HEMK2: variants seen among roughly 807,000 people sequenced by gnomAD.
The protein encoded by HEMK2 is HemK methyltransferase 2, ETF1 glutamine and histone H4 lysine, also known as methyltransferase HEMK2.
At chr21:28,866,047 A>G in the HEMK2 span, among the ~76,000 whole-genome samples, 2 of 151,128 alleles carry the variant, frequency 1.3e-5, no homozygotes, top group African/African-American at 2.4e-5. Context: ...TCATGCCTGT[A>G]CTTCCAGCAC....
At chr21:28,630,877 T>C in the HEMK2 span, among the ~76,000 whole-genome samples, 2 of 151,720 alleles carry the variant, frequency 1.3e-5, no homozygotes, top group East Asian at 3.9e-4. Flanking sequence ...CATGTATACA[T>C]ATGTAACAAA....
the HEMK2 span, among the ~76,000 whole-genome samples, chr21:28,808,590 A>G: frequency 6.6e-6 from 1 of 152,054 alleles, no homozygotes; most frequent in Admixed American, 6.6e-5. Context: ...TTCAGTGTAG[A>G]GAGCTTATAT....
chr21:28,577,539 G>C, the HEMK2 span, among the ~76,000 whole-genome samples: 1 of 152,052 alleles, frequency 6.6e-6, no homozygotes, highest in Non-Finnish European at 1.5e-5. Context: ...AAACACCCTT[G>C]TTTTGCCCAC....
chr21:28,597,270 G>A, the HEMK2 span, among the ~76,000 whole-genome samples: 2 of 152,188 alleles, frequency 1.3e-5, no homozygotes, highest in Non-Finnish European at 2.9e-5. Flanking sequence ...TTTAGACACA[G>A]GGAATTGCCT....
the HEMK2 span, among the ~76,000 whole-genome samples, chr21:28,705,483 C>A: frequency 2.0e-5 from 3 of 151,978 alleles, no homozygotes; most frequent in African/African-American, 4.8e-5. Flanking sequence ...AACATAATAT[C>A]TCTTGGCTTC....
chr21:28,724,524 C>T, the HEMK2 span, among the ~76,000 whole-genome samples: 1 of 152,142 alleles, frequency 6.6e-6, no homozygotes, highest in Non-Finnish European at 1.5e-5. Context: ...TTTTTATTTG[C>T]TCTTACAAAT....
At chr21:28,586,280 T>C in the HEMK2 span, among the ~76,000 whole-genome samples, 1 of 152,242 alleles carries the variant, frequency 6.6e-6, no homozygotes, top group Non-Finnish European at 1.5e-5. Context: ...AAAAGTCTTA[T>C]ACCACCATAA....
At chr21:28,829,945 C>T in the HEMK2 span, among the ~76,000 whole-genome samples, 4 of 152,142 alleles carry the variant, frequency 2.6e-5, no homozygotes, top group Non-Finnish European at 5.9e-5. Flanking sequence ...GGTCCCAACT[C>T]CCAATACGGA....
the HEMK2 span, among the ~76,000 whole-genome samples, chr21:28,666,188 G>A: frequency 6.6e-6 from 1 of 152,084 alleles, no homozygotes; most frequent in Non-Finnish European, 1.5e-5. Flanking sequence ...ATTTGTCTCA[G>A]CTTTGAAAGG....
the HEMK2 span, among the ~76,000 whole-genome samples, chr21:28,824,989 A>G: frequency 8.5e-5 from 13 of 152,318 alleles, no homozygotes; most frequent in Admixed American, 2.6e-4. Flanking sequence ...GCAAACCTGG[A>G]CAGTCCCTAT....
chr21:28,669,085 T>A, the HEMK2 span, among the ~76,000 whole-genome samples: 1 of 152,082 alleles, frequency 6.6e-6, no homozygotes, highest in African/African-American at 2.4e-5. Flanking sequence ...CTGGGCTGGG[T>A]GCAGTGGTTC....
At chr21:28,824,021 GC>G in the HEMK2 span, among the ~76,000 whole-genome samples, 1 of 152,126 alleles carries the variant, frequency 6.6e-6, no homozygotes, top group Non-Finnish European at 1.5e-5. Context: ...TTTTTTATAA[GC>G]TTCTCCCAAA....
the HEMK2 span, among the ~76,000 whole-genome samples, chr21:28,609,668 T>C: frequency 7.8e-6 from 1 of 128,908 alleles, no homozygotes; most frequent in Non-Finnish European, 1.7e-5. Flanking sequence ...AAAAAAGATA[T>C]AGGATATGAA....
the HEMK2 span, among the ~76,000 whole-genome samples, chr21:28,768,808 T>C: frequency 3.7e-4 from 57 of 152,094 alleles, 1 homozygote; most frequent in African/African-American, 1.3e-3. Context: ...ACACAGGATC[T>C]TTAAAAAGGT....
chr21:28,670,696 G>T, the HEMK2 span, among the ~76,000 whole-genome samples: 1 of 152,208 alleles, frequency 6.6e-6, no homozygotes, highest in Non-Finnish European at 1.5e-5. Context: ...ATAAAGCAAA[G>T]AGGTTTAATT....
chr21:28,717,183 G>A, the HEMK2 span, among the ~76,000 whole-genome samples: 1 of 152,138 alleles, frequency 6.6e-6, no homozygotes, highest in Non-Finnish European at 1.5e-5. Context: ...AGTTTCAGTA[G>A]GATTGGGACC....
chr21:28,831,730 G>GAAA, the HEMK2 span, among the ~76,000 whole-genome samples: 80 of 31,262 alleles, frequency 2.6e-3, 2 homozygotes, highest in African/African-American at 7.7e-3. Context: ...AAGGAAGGAA[G>GAAA]GAAGGAAAGA....
chr21:28,836,179 T>C, the HEMK2 span, among the ~76,000 whole-genome samples: 247 of 152,268 alleles, frequency 1.6e-3, 1 homozygote, highest in African/African-American at 5.6e-3. Context: ...CCTAGGCACA[T>C]TGTCATCAGC....
chr21:28,683,780 CTAAAAA>C, the HEMK2 span, among the ~76,000 whole-genome samples: 13 of 152,078 alleles, frequency 8.5e-5, no homozygotes, highest in African/African-American at 3.1e-4. Context: ...GTGAAAAACA[CTAAAAA>C]TAAAAGAAAA....
Sources: allele counts gnomAD v4.1 joint callset (sites outside exome capture counted in the v4.1 genomes callset), GRCh38; gene constraint gnomAD v4.1.1; transcripts MANE v1.5; gene names NCBI Gene and HGNC (gene_info 2026-07-23, HGNC 2026-07-21).